The following RYR2 variants were observed in gnomAD, a reference collection of about 807,000 sequenced individuals.
RYR2 encodes ryanodine receptor 2, also known as cardiac muscle ryanodine receptor-calcium release channel.
In RYR2, 227 loss-of-function variants were observed where a neutral mutation model predicts 601.1. That is an observed-to-expected ratio of 0.38 (90% CI 0.34 to 0.42). The LOEUF is 0.42. RYR2 is among the 10% of genes least tolerant of loss of function. The pLI, the probability that RYR2 is intolerant of heterozygous loss-of-function variation, is 1.00. For synonymous variants in RYR2, 2,223 were observed against 2,175.1 expected (o/e 1.02, Z -0.61); for missense variants, 4,646 against 6,156.5 (o/e 0.75, Z 8.21).
At chr1:237,696,725 A>G (rs1316713401) in intron 63 of RYR2, among the ~76,000 whole-genome samples, 1 of 140,084 alleles carries the variant, frequency 7.1e-6, no homozygotes, top group Non-Finnish European at 1.5e-5. Flanking sequence ...GCCGCCTTTC[A>G]CCTAATTACT....
At chr1:237,197,176 A>T (rs2149029200) in intron 1 of RYR2, among the ~76,000 whole-genome samples, 1 of 152,308 alleles carries the variant, frequency 6.6e-6, no homozygotes, top group Non-Finnish European at 1.5e-5. Flanking sequence ...ATAGCCAATC[A>T]TATTGTCTGT....
chr1:237,551,167 ATG>A (rs1670349766), intron 27 of RYR2, among the ~76,000 whole-genome samples: 1 of 152,196 alleles, frequency 6.6e-6, no homozygotes, highest in African/African-American at 2.4e-5. Context: ...ATAACTAACT[ATG>A]TGTTGAACAC....
chr1:237,071,171 G>A (rs573337483), intron 1 of RYR2, among the ~76,000 whole-genome samples: 26 of 152,158 alleles, frequency 1.7e-4, no homozygotes, highest in South Asian at 1.0e-3. Flanking sequence ...GCTCCCTTCC[G>A]CAGGCAGGTC....
chr1:237,208,964 A>ATATATATGTG (rs1682178464), intron 1 of RYR2, among the ~76,000 whole-genome samples: 3 of 104,582 alleles, frequency 2.9e-5, no homozygotes, highest in Non-Finnish European at 4.1e-5. Context: ...ATATATATAT[A>ATATATATGTG]TATATATATA....
intron 70 of RYR2, among the ~76,000 whole-genome samples, chr1:237,710,479 A>C (rs1688737238): frequency 6.6e-6 from 1 of 152,156 alleles, no homozygotes; most frequent in Non-Finnish European, 1.5e-5. Context: ...GGAGTCTGTC[A>C]AACTTAATAG....
chr1:237,673,077 A>G (rs1203274430), intron 58 of RYR2, among the ~76,000 whole-genome samples: 3 of 152,216 alleles, frequency 2.0e-5, no homozygotes, highest in African/African-American at 7.2e-5. Flanking sequence ...TGGCTAAACT[A>G]TATTGGAAAC....
intron 87 of RYR2, among the ~76,000 whole-genome samples, chr1:237,775,189 A>G (rs563877008): frequency 6.8e-4 from 104 of 151,888 alleles, no homozygotes; most frequent in African/African-American, 2.5e-3. Context: ...GAATAATTTT[A>G]GTATTCAGAA....
intron 20 of RYR2, 108 bp downstream of exon 20, chr1:237,496,860 A>G: frequency 7.6e-7 from 1 of 1,319,856 alleles, no homozygotes; most frequent in Admixed American, 2.3e-5. Flanking sequence ...GGTATTAATT[A>G]TTCAGAAATT....
At chr1:237,460,699 T>C (rs1409541421) in intron 16 of RYR2, among the ~76,000 whole-genome samples, 1 of 151,996 alleles carries the variant, frequency 6.6e-6, no homozygotes, top group Non-Finnish European at 1.5e-5. Context: ...CTCTTACTCC[T>C]CTTTCATTAG....
intron 98 of RYR2, among the ~76,000 whole-genome samples, chr1:237,805,099 G>A (rs543198541): frequency 6.6e-5 from 10 of 152,230 alleles, no homozygotes; most frequent in Admixed American, 2.6e-4. Flanking sequence ...GAATAGCGCT[G>A]GGTTGAGAAA....
chr1:237,693,550 T>C (rs983569735), intron 63 of RYR2, among the ~76,000 whole-genome samples: 4 of 152,200 alleles, frequency 2.6e-5, no homozygotes, highest in Non-Finnish European at 4.4e-5. Context: ...CAGCATTTTG[T>C]AATACAATGA....
chr1:237,707,913 A>G (rs1851290), intron 68 of RYR2, among the ~76,000 whole-genome samples: 112,975 of 150,368 alleles, frequency 0.75, 45,242 homozygotes, highest in South Asian at 0.92. Flanking sequence ...CTAGGATTAC[A>G]GGCATCTGCC....
intron 3 of RYR2, among the ~76,000 whole-genome samples, chr1:237,352,502 C>T (rs1310026600): frequency 6.6e-6 from 1 of 152,004 alleles, no homozygotes; most frequent in African/African-American, 2.4e-5. Flanking sequence ...CTCAATATTA[C>T]AAAGATGACA....
intron 16 of RYR2, among the ~76,000 whole-genome samples, chr1:237,460,989 T>C (rs1220405921): frequency 6.6e-5 from 10 of 152,256 alleles, no homozygotes; most frequent in Non-Finnish European, 4.4e-5. Flanking sequence ...CTTATTATTG[T>C]TGTTTTGCTT....
At chr1:237,493,187 AC>A in intron 19 of RYR2, 100 bp downstream of exon 19, 1 of 1,278,532 alleles carries the variant, frequency 7.8e-7, no homozygotes, top group Non-Finnish European at 1.1e-6. Flanking sequence ...TTTAAATTAG[AC>A]CATATAGTAT....
chr1:237,400,751 G>A lies in RYR2; in HGVS notation c.773+12568G>A, dbSNP rs149057776. Among the ~76,000 whole-genome samples, 876 of 151,842 alleles carry A rather than the reference G, an allele frequency of 5.8e-3. 13 individuals carry two copies. Among genetic ancestry groups the A allele is most frequent in the African/African-American group, 0.02 (833 of 41,390 alleles). ...AAAGGTAGACACTCTCCTTTCCCCC[G>A]AAAGTAGAGAGTGAACAAAGCAGTG... On this transcript the variant is annotated intron_variant, in intron 10 of 104. Coordinates refer to ENST00000366574, the MANE Select transcript of RYR2 (RefSeq NM_001035.3).
chr1:237,069,019 GA>G (rs1663990747), intron 1 of RYR2, among the ~76,000 whole-genome samples: 1 of 152,186 alleles, frequency 6.6e-6, no homozygotes, highest in Non-Finnish European at 1.5e-5. Flanking sequence ...ATAAATGTAA[GA>G]AAAGTTCAAT....
At chr1:237,661,525 C>A (rs1683795395) in intron 56 of RYR2, among the ~76,000 whole-genome samples, 1 of 152,066 alleles carries the variant, frequency 6.6e-6, no homozygotes, top group African/African-American at 2.4e-5. Context: ...GAAGAAGTAA[C>A]CAGTTGTAAG....
intron 1 of RYR2, among the ~76,000 whole-genome samples, chr1:237,057,836 G>A (rs1325965311): frequency 6.6e-6 from 1 of 152,176 alleles, no homozygotes; most frequent in Non-Finnish European, 1.5e-5. Context: ...CTAAGCTGAT[G>A]CATCGCCTCT....
Sources: allele counts gnomAD v4.1 joint callset (sites outside exome capture counted in the v4.1 genomes callset), GRCh38; gene constraint gnomAD v4.1.1; transcripts MANE v1.5; gene names NCBI Gene and HGNC (gene_info 2026-07-23, HGNC 2026-07-21).